The following PGM2 variants were observed in gnomAD, a reference collection of about 807,000 sequenced individuals.
PGM2 encodes the protein phosphopentomutase.
Under a neutral mutation model 74.6 loss-of-function variants are expected in PGM2, and 57 were observed. The ratio of observed to expected loss-of-function variants is 0.76; its 90% CI spans 0.62 to 0.95. The LOEUF (loss-of-function observed/expected upper bound fraction) is 0.95. Among genes scored for constraint, PGM2 ranks in the 40% least tolerant of loss-of-function variants. The pLI, the probability that PGM2 is intolerant of heterozygous loss-of-function variation, is 0.00. For synonymous variants in PGM2, 273 were observed against 260.7 expected (o/e 1.05, Z -0.46); for missense variants, 706 against 741.9 (o/e 0.95, Z 0.56).
intron 4 of PGM2, chr4:37,839,510 G>C (rs540327307): frequency 2.1e-6 from 1 of 480,406 alleles, no homozygotes; most frequent in East Asian, 6.1e-5. Flanking sequence ...ACAAACTTCT[G>C]TCTCAGGTAG....
At chr4:37,829,859 T>TAC (rs1553885220) in intron 1 of PGM2, 105 bp from the exon 2 acceptor site, 9 of 332,876 alleles carry the variant, frequency 2.7e-5, no homozygotes, top group Admixed American at 5.1e-5. Context: ...TATATATATA[T>TAC]ACATATATAT....
At chr4:37,857,769 T>A (rs1017433472) in intron 13 of PGM2, among the ~76,000 whole-genome samples, 1 of 152,220 alleles carries the variant, frequency 6.6e-6, no homozygotes, top group African/African-American at 2.4e-5. Context: ...AGTGAACATA[T>A]AAAAGCTCAT....
At chr4:37,841,092 A>G (rs1267681561) in intron 6 of PGM2, among the ~76,000 whole-genome samples, 15 of 111,636 alleles carry the variant, frequency 1.3e-4, no homozygotes, top group African/African-American at 3.5e-4. Flanking sequence ...ATATATATAT[A>G]TATATATATG....
At chr4:37,842,654 A>G (rs1044142247) in intron 6 of PGM2, among the ~76,000 whole-genome samples, 3 of 108,088 alleles carry the variant, frequency 2.8e-5, no homozygotes, top group African/African-American at 4.0e-5. Context: ...GGCCCTTCAC[A>G]TGTCATTTTT....
intron 13 of PGM2, among the ~76,000 whole-genome samples, chr4:37,858,121 T>C (rs1560422403): frequency 2.0e-5 from 3 of 152,178 alleles, no homozygotes; most frequent in Non-Finnish European, 4.4e-5. Flanking sequence ...TATTAACATT[T>C]TTCACATGGC....
intron 1 of PGM2, among the ~76,000 whole-genome samples, chr4:37,828,853 C>A (rs1725364281): frequency 6.6e-6 from 1 of 152,152 alleles, no homozygotes; most frequent in African/African-American, 2.4e-5. Flanking sequence ...GGGCACCTGA[C>A]AATCTGATAG....
At chr4:37,858,284 T>C (rs1192017237) in intron 13 of PGM2, among the ~76,000 whole-genome samples, 1 of 152,142 alleles carries the variant, frequency 6.6e-6, no homozygotes, top group Non-Finnish European at 1.5e-5. Flanking sequence ...TGGTCACGGC[T>C]TAAGCAAGGC....
At chr4:37,848,449 T>C in intron 10 of PGM2, 73 bp from the exon 11 acceptor site, 1 of 1,303,878 alleles carries the variant, frequency 7.7e-7, no homozygotes, top group Non-Finnish European at 1.1e-6. Context: ...TAATATGCAA[T>C]AGCCAGGATT....
At chr4:37,853,161 A>G (rs1726098407) in intron 12 of PGM2, among the ~76,000 whole-genome samples, 1 of 152,102 alleles carries the variant, frequency 6.6e-6, no homozygotes, top group Admixed American at 6.5e-5. Context: ...CTGTTGAAAC[A>G]GTGTCTTGCT....
At chr4:37,855,846 A>G (rs111245381) in intron 13 of PGM2, 105 bp downstream of exon 13, 173 of 975,772 alleles carry the variant, frequency 1.8e-4, no homozygotes, top group African/African-American at 1.7e-3. Context: ...AGGTAATTTA[A>G]TTAGAAATGC....
chr4:37,831,753 T>C (rs544091776), intron 2 of PGM2, among the ~76,000 whole-genome samples: 2 of 152,314 alleles, frequency 1.3e-5, no homozygotes, highest in African/African-American at 4.8e-5. Flanking sequence ...TTCTACCGTA[T>C]TCGGTTTGTT....
chr4:37,840,310 C>A, intron 6 of PGM2, 51 bp downstream of exon 6: 1 of 1,063,186 alleles, frequency 9.4e-7, no homozygotes, highest in Non-Finnish European at 1.4e-6. Context: ...GTGATTCAGC[C>A]AAATTCTATT....
chr4:37,848,415 A>G, intron 10 of PGM2, 107 bp from the exon 11 acceptor site: 1 of 930,236 alleles, frequency 1.1e-6, no homozygotes, highest in Non-Finnish European at 1.6e-6. Context: ...AGAAATGTGC[A>G]TACACGCAAC....
At chr4:37,847,362 T>C in intron 10 of PGM2, 67 bp downstream of exon 10, 1 of 1,165,080 alleles carries the variant, frequency 8.6e-7, no homozygotes, top group Non-Finnish European at 1.3e-6. Context: ...GGATTGGGAT[T>C]CAAAGATCCA....
intron 2 of PGM2, among the ~76,000 whole-genome samples, chr4:37,832,357 C>T (rs1430365837): frequency 6.6e-6 from 1 of 152,318 alleles, no homozygotes; most frequent in Non-Finnish European, 1.5e-5. Context: ...GTAGTGTTCC[C>T]TGGCAGAATG....
intron 4 of PGM2, among the ~76,000 whole-genome samples, chr4:37,838,100 C>G (rs1212748225): frequency 6.6e-6 from 1 of 152,170 alleles, no homozygotes; most frequent in Non-Finnish European, 1.5e-5. Context: ...ACGCTAGTCT[C>G]GAACTCCTGG....
At chr4:37,848,371 A>C (rs1725935453) in intron 10 of PGM2, 151 bp from the exon 11 acceptor site, 2 of 595,388 alleles carry the variant, frequency 3.4e-6, no homozygotes, top group East Asian at 6.1e-5. Context: ...TGGGCTAGGC[A>C]CTGGGCTAAA....
chr4:37,830,801 A>G (rs1306620190), intron 2 of PGM2, among the ~76,000 whole-genome samples: 3 of 152,204 alleles, frequency 2.0e-5, no homozygotes, highest in African/African-American at 7.2e-5. Context: ...ATTGCCTAAT[A>G]GTGATTACAT....
In PGM2 at chr4:37,855,588, AT is replaced by A. The variant is rs1447451890; in HGVS notation, c.1603-19del. The stretch of plus-strand genomic sequence containing the variant: ...CAGAATGTTACTATTTAAATTTATA[AT>A]GTGTGCATTAATTCCTAGGTTCTTC... On this transcript the variant is annotated intron_variant, in intron 12 of 13. Transcript: ENST00000381967. The A allele has an allele frequency of 6.2e-7, 1 of 1,606,600 alleles. No homozygotes were observed. Among genetic ancestry groups the A allele is most frequent in the Non-Finnish European group, 8.5e-7 (1 of 1,176,244 alleles).
Sources: gnomAD v4.1 joint callset for allele counts (sites outside exome capture counted in the v4.1 genomes callset) on GRCh38, gnomAD v4.1.1 for gene constraint, MANE v1.5 for transcripts, NCBI Gene and HGNC (gene_info 2026-07-23, HGNC 2026-07-21) for gene names.